Variants in SPOCK3 observed in about 807,000 individuals in gnomAD.
SPOCK3 encodes the protein testican-3.
In SPOCK3, 30 loss-of-function variants were observed where a neutral mutation model predicts 56.6. That is an observed-to-expected ratio of 0.53 (90% CI 0.40 to 0.72). The LOEUF is 0.72. Among genes scored for constraint, SPOCK3 ranks in the 30% least tolerant of loss-of-function variants. The probability of loss-of-function intolerance (pLI) is 0.00; values close to 1 mark genes in which losing one functional copy is unlikely to be tolerated. For missense variants in SPOCK3, 527 were observed against 530.0 expected (o/e 0.99, Z 0.06); for synonymous variants, 196 against 183.3 (o/e 1.07, Z -0.56).
At chr4:166,953,844 C>T (rs925974985) in intron 4 of SPOCK3, among the ~76,000 whole-genome samples, 48 of 152,134 alleles carry the variant, frequency 3.2e-4, no homozygotes, top group Admixed American at 7.9e-4. Flanking sequence ...AACAAAAAAC[C>T]AAACACCGCA....
chr4:166,734,964 CCTTCAT>C lies in SPOCK3; in HGVS notation c.1253_1258del (p.Asp418_Glu419del). 4 of 1,519,602 alleles carry C rather than the reference CCTTCAT, an allele frequency of 2.6e-6. No homozygotes were observed. The highest frequency in any genetic ancestry group is 2.7e-6 in the Non-Finnish European group (3 of 1,096,082). 94.1% of individuals were successfully genotyped at this position (1,519,602 alleles called of 1,614,324 possible). ...GTCATCACCACCATCATCATCATCC[CCTTCAT>C]CTTCATCATCATCTTCAATTTCATC... On this transcript the variant is annotated inframe_deletion, in exon 11 of 11. Coordinates refer to ENST00000357545, the MANE Select transcript of SPOCK3 (RefSeq NM_001040159.2).
chr4:166,811,158 A>C (rs1033926870), intron 6 of SPOCK3, among the ~76,000 whole-genome samples: 1 of 151,614 alleles, frequency 6.6e-6, no homozygotes, highest in African/African-American at 2.4e-5. Flanking sequence ...TGTTTTACCT[A>C]ACTTTTGTCT....
chr4:167,062,364 AT>A, intron 3 of SPOCK3, 127 bp downstream of exon 3: 1 of 561,752 alleles, frequency 1.8e-6, no homozygotes, highest in Admixed American at 3.4e-5. Flanking sequence ...TATTGCACAA[AT>A]TTTTCCATTC....
chr4:167,040,513 A>C (rs551931384), intron 3 of SPOCK3, among the ~76,000 whole-genome samples: 1 of 152,328 alleles, frequency 6.6e-6, no homozygotes, highest in South Asian at 2.1e-4. Flanking sequence ...ATATTACAGA[A>C]GCATTTCTTA....
chr4:166,883,828 A>G (rs1015607743), intron 6 of SPOCK3, among the ~76,000 whole-genome samples: 3 of 152,204 alleles, frequency 2.0e-5, no homozygotes, highest in Non-Finnish European at 4.4e-5. Flanking sequence ...TCAAGTACTA[A>G]AGAATTTAAG....
At chr4:166,882,757 A>G (rs1252679274) in intron 6 of SPOCK3, 1 of 152,226 alleles carries the variant, frequency 6.6e-6, no homozygotes, top group Non-Finnish European at 1.5e-5. Context: ...GAAATTCATT[A>G]TTTAACACAA....
chr4:166,749,986 C>T (rs980077044), intron 8 of SPOCK3, among the ~76,000 whole-genome samples: 15 of 152,092 alleles, frequency 9.9e-5, no homozygotes, highest in Admixed American at 8.5e-4. Flanking sequence ...TGAACACCCT[C>T]GTGCATTTGA....
chr4:167,210,833 A>G (rs975616372), intron 2 of SPOCK3, among the ~76,000 whole-genome samples: 1 of 152,068 alleles, frequency 6.6e-6, no homozygotes. Context: ...CTCTCTGTGT[A>G]TCTCTCTCTA....
intron 4 of SPOCK3, among the ~76,000 whole-genome samples, chr4:166,927,286 T>A (rs917414585): frequency 2.0e-5 from 3 of 152,156 alleles, no homozygotes; most frequent in African/African-American, 7.2e-5. Flanking sequence ...GAGGGATAAT[T>A]GAATCATTGG....
chr4:166,772,191 C>G (rs1343925332), intron 7 of SPOCK3, among the ~76,000 whole-genome samples: 1 of 151,970 alleles, frequency 6.6e-6, no homozygotes, highest in Non-Finnish European at 1.5e-5. Context: ...ACTTTTTTCA[C>G]ATTTAAGATT....
chr4:166,937,934 C>CT (rs548107592), intron 4 of SPOCK3, among the ~76,000 whole-genome samples: 4,692 of 131,490 alleles, frequency 0.036, 182 homozygotes, highest in African/African-American at 0.096. Context: ...CGGCTAATCT[C>CT]TTTTTTTTTT....
At chr4:166,964,690 G>C (rs1744503293) in intron 4 of SPOCK3, among the ~76,000 whole-genome samples, 1 of 151,618 alleles carries the variant, frequency 6.6e-6, no homozygotes, top group Non-Finnish European at 1.5e-5. Flanking sequence ...TACTAGGCTT[G>C]CCAAAATATT....
intron 2 of SPOCK3, among the ~76,000 whole-genome samples, chr4:167,080,878 C>CT (rs766090610): frequency 0.043 from 5,543 of 129,016 alleles, 195 homozygotes; most frequent in African/African-American, 0.076. Flanking sequence ...CTCTTTCTTT[C>CT]TTTTTTTTTT....
chr4:167,203,304 G>A (rs2110943034), intron 2 of SPOCK3, among the ~76,000 whole-genome samples: 1 of 151,766 alleles, frequency 6.6e-6, no homozygotes, highest in Admixed American at 6.6e-5. Context: ...AACTTTCTAG[G>A]GATTTTTTTA....
intron 2 of SPOCK3, among the ~76,000 whole-genome samples, chr4:167,161,510 T>C (rs189878297): frequency 0.049 from 7,476 of 152,160 alleles, 217 homozygotes; most frequent in South Asian, 0.076. Context: ...GAACTAGAAA[T>C]ACCATTTGAC....
At chr4:167,047,996 G>A (rs1753873635) in intron 3 of SPOCK3, among the ~76,000 whole-genome samples, 1 of 152,118 alleles carries the variant, frequency 6.6e-6, no homozygotes, top group South Asian at 2.1e-4. Flanking sequence ...ATTGCAGTGA[G>A]CCAAGATCGT....
At chr4:167,046,116 C>T (rs1753686340) in intron 3 of SPOCK3, among the ~76,000 whole-genome samples, 2 of 152,134 alleles carry the variant, frequency 1.3e-5, no homozygotes, top group South Asian at 2.1e-4. Flanking sequence ...TACCCCCTTT[C>T]AGCATGTTGA....
intron 7 of SPOCK3, among the ~76,000 whole-genome samples, chr4:166,777,845 A>T (rs1418020599): frequency 6.6e-6 from 1 of 152,168 alleles, no homozygotes; most frequent in Admixed American, 6.6e-5. Context: ...CCTCTCAACC[A>T]TTTCAACTAG....
chr4:166,965,573 G>T (rs1036401070), intron 4 of SPOCK3, among the ~76,000 whole-genome samples: 1 of 151,784 alleles, frequency 6.6e-6, no homozygotes, highest in Non-Finnish European at 1.5e-5. Context: ...GTTCTCCTTT[G>T]TGGAATGTGT....
Sources: gnomAD v4.1 joint callset for allele counts (sites outside exome capture counted in the v4.1 genomes callset) on GRCh38, gnomAD v4.1.1 for gene constraint, MANE v1.5 for transcripts, NCBI Gene and HGNC (gene_info 2026-07-23, HGNC 2026-07-21) for gene names.